The following LYST variants were observed in gnomAD, a reference collection of about 807,000 sequenced individuals.
LYST encodes lysosomal-trafficking regulator.
LYST carries 192 observed loss-of-function variants against 413.6 expected under a neutral mutation model. The observed-to-expected ratio is 0.46, with a 90% confidence interval of 0.41 to 0.52. LYST has a LOEUF of 0.52. Ranked by LOEUF, LYST falls within the 20% of genes least tolerant of loss-of-function variation. LYST has a pLI of 0.00. For missense variants in LYST, 3,815 were observed against 4,499.9 expected (o/e 0.85, Z 4.35); for synonymous variants, 1,525 against 1,567.3 (o/e 0.97, Z 0.64).
chr1:235,763,875 C>T (rs1217006214), intron 21 of LYST, among the ~76,000 whole-genome samples: 1 of 152,116 alleles, frequency 6.6e-6, no homozygotes, highest in Non-Finnish European at 1.5e-5. Flanking sequence ...CCTTGATGAG[C>T]ATCTCATTAC....
chr1:235,824,219 C>T (rs562518453), intron 3 of LYST, among the ~76,000 whole-genome samples: 46 of 152,308 alleles, frequency 3.0e-4, no homozygotes, highest in African/African-American at 1.0e-3. Context: ...TAAAACTTCA[C>T]ATTTTACTCA....
chr1:235,764,650 C>T (rs367765539), intron 21 of LYST, among the ~76,000 whole-genome samples: 9 of 151,904 alleles, frequency 5.9e-5, no homozygotes, highest in African/African-American at 1.7e-4. Context: ...CAGGCATGTG[C>T]CACCATGCCA....
chr1:235,738,177 G>A, intron 31 of LYST: 1 of 1,609,900 alleles, frequency 6.2e-7, no homozygotes, highest in African/African-American at 1.3e-5. Flanking sequence ...CAAATTGAAG[G>A]GCGAGATGAT....
At position 235,731,597 on chromosome 1, in the gene LYST, C is replaced by G. The variant is rs966043374; in HGVS notation, c.8802-420G>C. On this transcript the variant is annotated intron_variant, in intron 34 of 52. Transcript: ENST00000389793. ...TTTTTGAGACAGAGTCTGGCTGTGTCGCCCAGGCTGGAGTGCAGTGGCGTG... is the reference window on the plus strand; with the variant it reads ...TTTTTGAGACAGAGTCTGGCTGTGTGGCCCAGGCTGGAGTGCAGTGGCGTG... Among the ~76,000 whole-genome samples, 3 of 135,910 alleles carry G rather than the reference C, an allele frequency of 2.2e-5. No individual in the cohort carries two copies. The East Asian group carries it at 6.4e-4, about 29-fold the overall frequency. The allele number at this position is 135,910 out of a possible 152,430, so 89.2% of individuals were successfully genotyped here. A position where few individuals can be genotyped will look rare whatever the true frequency, so the allele number is the denominator to read the frequency against.
intron 2 of LYST, among the ~76,000 whole-genome samples, chr1:235,831,591 C>T (rs1675986291): frequency 6.6e-6 from 1 of 152,088 alleles, no homozygotes; most frequent in African/African-American, 2.4e-5. Context: ...CCTAATACTA[C>T]CTTAGTTCCT....
At chr1:235,817,558 T>A (rs1229029581) in intron 3 of LYST, among the ~76,000 whole-genome samples, 1 of 152,206 alleles carries the variant, frequency 6.6e-6, no homozygotes, top group Non-Finnish European at 1.5e-5. Flanking sequence ...GATCATGTCC[T>A]TTGTAGCAAT....
intron 24 of LYST, 78 bp downstream of exon 24, chr1:235,757,203 T>G: frequency 3.4e-6 from 3 of 891,602 alleles, no homozygotes; most frequent in Non-Finnish European, 5.2e-6. Flanking sequence ...TCTACTTTAA[T>G]GTATATACTC....
intron 37 of LYST, 145 bp downstream of exon 37, chr1:235,729,451 A>G (rs566173994): frequency 1.5e-6 from 1 of 677,468 alleles, no homozygotes; most frequent in African/African-American, 1.8e-5. Flanking sequence ...ATGCAATTAC[A>G]TATAATGTTA....
At chr1:235,827,663 C>T (rs1007586112) in intron 3 of LYST, 3 of 984,526 alleles carry the variant, frequency 3.0e-6, no homozygotes, top group African/African-American at 1.7e-5. Context: ...ATTTTCACTC[C>T]AAAGGCACAT....
intron 1 of LYST, among the ~76,000 whole-genome samples, chr1:235,844,470 T>C (rs1349040675): frequency 6.6e-6 from 1 of 152,202 alleles, no homozygotes; most frequent in Non-Finnish European, 1.5e-5. Flanking sequence ...ACTATCCCAG[T>C]TGTCTTGGAG....
intron 46 of LYST, among the ~76,000 whole-genome samples, chr1:235,696,862 T>C (rs1661147567): frequency 6.6e-6 from 1 of 152,194 alleles, no homozygotes; most frequent in Non-Finnish European, 1.5e-5. Flanking sequence ...TAACCATCTA[T>C]TCTTGTCCCC....
At chr1:235,832,252 T>C (rs1022029675) in intron 2 of LYST, among the ~76,000 whole-genome samples, 1 of 152,250 alleles carries the variant, frequency 6.6e-6, no homozygotes, top group African/African-American at 2.4e-5. Context: ...TGCACTCATG[T>C]GCAGGCCAGG....
At position 235,803,010 on chromosome 1, in the gene LYST, CT is replaced by C. The variant is rs1672417196; in HGVS notation, c.3609del (p.Ala1204LeufsTer12). ...AAACTACAACACTGAGAATCCTCAG[CT>C]TCTTCTGAAAAATCACCAGGCTGGG... The part of the protein sequence containing the change: ...LSSQPGDFSE[E>X]AEDSQCCSFK... On this transcript the variant is annotated frameshift_variant, in exon 8 of 53. Transcript: ENST00000389793. LOFTEE classifies it high-confidence loss of function. 6.2e-7 allele frequency: 1 copy of C among 1,613,148 alleles called. No homozygotes were observed. Among genetic ancestry groups the C allele is most frequent in the South Asian group, 1.1e-5 (1 of 91,074 alleles).
intron 1 of LYST, among the ~76,000 whole-genome samples, chr1:235,865,180 C>A (rs1314980301): frequency 6.6e-6 from 1 of 152,222 alleles, no homozygotes; most frequent in African/African-American, 2.4e-5. Flanking sequence ...TCTCTGCTAG[C>A]ACATCCTTCC....
chr1:235,780,199 A>G (rs2103472220), intron 16 of LYST, among the ~76,000 whole-genome samples: 2 of 152,188 alleles, frequency 1.3e-5, no homozygotes, highest in South Asian at 4.1e-4. Context: ...TGAGGCCAGG[A>G]GTTTGAGACT....
intron 1 of LYST, among the ~76,000 whole-genome samples, chr1:235,873,388 T>C (rs975199624): frequency 5.3e-5 from 8 of 152,222 alleles, no homozygotes; most frequent in African/African-American, 1.9e-4. Context: ...TGTCCTGTTT[T>C]TCTGCTTACA....
At chr1:235,773,246 G>A (rs550534812) in intron 19 of LYST, among the ~76,000 whole-genome samples, 1 of 151,824 alleles carries the variant, frequency 6.6e-6, no homozygotes, top group Non-Finnish European at 1.5e-5. Context: ...CTGAGCCTGG[G>A]GGTGGAGGTT....
rs1662737076 is a variant in LYST, at chr1:235,715,294, A to G, written c.9691T>C (p.Tyr3231His). The G allele has an allele frequency of 5.6e-6, 9 of 1,613,942 alleles. No homozygotes were observed. The highest frequency in any genetic ancestry group is 7.6e-6 in the Non-Finnish European group (9 of 1,179,936). ...EDDPMPPVQP[Y>H]HYGSHYSNSG... Reference sequence around the variant, plus strand: ...TTGGAATAGTGGGAGCCATAGTGATAGGGCTGCACGGGAGGCATGGGGTCA... The same window carrying G: ...TTGGAATAGTGGGAGCCATAGTGATGGGGCTGCACGGGAGGCATGGGGTCA... Residue 3231 changes from tyrosine (Y) to histidine (H), a missense_variant, in exon 42 of 53, where the codon TAT (tyrosine) becomes CAT (histidine). Physicochemically the swap from Tyr to His is moderately conservative, Grantham distance 83. Coordinates refer to ENST00000389793, the MANE Select transcript of LYST (RefSeq NM_000081.4).
chr1:235,735,459 T>C (rs935862831), intron 31 of LYST: 3 of 152,156 alleles, frequency 2.0e-5, no homozygotes, highest in East Asian at 1.9e-4. Flanking sequence ...CTTAAGATAA[T>C]GACAATTGGC....
Sources: allele counts gnomAD v4.1 joint callset (sites outside exome capture counted in the v4.1 genomes callset), GRCh38; gene constraint gnomAD v4.1.1; transcripts MANE v1.5; gene names NCBI Gene and HGNC (gene_info 2026-07-23, HGNC 2026-07-21).